STON2: variants seen among roughly 807,000 people sequenced by gnomAD.
STON2 encodes the protein stonin 2.
In STON2, 29 loss-of-function variants were observed where a neutral mutation model predicts 65.7. The ratio of observed to expected loss-of-function variants is 0.44; its 90% confidence interval spans 0.33 to 0.60. The LOEUF is 0.60. Among genes scored for constraint, STON2 ranks in the 20% least tolerant of loss-of-function variants. STON2 has a pLI of 0.03. For synonymous variants in STON2, 404 were observed against 414.2 expected (o/e 0.98, Z 0.30); for missense variants, 1,054 against 1,118.1 (o/e 0.94, Z 0.82).
chr14:81,271,027 C>A (rs1486230776), intron 6 of STON2, among the ~76,000 whole-genome samples, 155 bp from the exon 7 acceptor site: 1 of 152,132 alleles, frequency 6.6e-6, no homozygotes, highest in Admixed American at 6.5e-5. Context: ...CCGCCCGGCT[C>A]AGCAGAATTC....
chr14:81,322,819 G>C (rs549415760), intron 5 of STON2, among the ~76,000 whole-genome samples: 1 of 152,290 alleles, frequency 6.6e-6, no homozygotes, highest in East Asian at 1.9e-4. Flanking sequence ...ATTTGCTGCA[G>C]CTCTAGAAAC....
chr14:81,367,578 C>G (rs571469224), intron 4 of STON2, among the ~76,000 whole-genome samples: 5 of 152,276 alleles, frequency 3.3e-5, no homozygotes, highest in Admixed American at 2.0e-4. Flanking sequence ...TTTCCTTCTC[C>G]TCCTTCTATT....
chr14:81,309,858 C>A (rs935765146), intron 5 of STON2, among the ~76,000 whole-genome samples: 1 of 152,172 alleles, frequency 6.6e-6, no homozygotes, highest in African/African-American at 2.4e-5. Flanking sequence ...ATTTGAGAAT[C>A]CTCTGCACAG....
In STON2 at chr14:81,371,173, G is replaced by A; in HGVS notation, c.386C>T (p.Thr129Ile). The change falls in exon 4 of 8, where the codon ACC becomes ATC. Residue 129 changes from threonine (T) to isoleucine (I), a missense_variant. Transcript: ENST00000614646. ...QETAETALPL[T>I]MPCWTCPSFD... ...GGAAGGGCATGTCCAGCAGGGCATG[G>A]TCAATGGTAGGGCTGGGGAGAGACC... 2 of 1,614,122 alleles carry A rather than the reference G, an allele frequency of 1.2e-6. No homozygotes were observed. The highest frequency in any genetic ancestry group is 1.7e-6 in the Non-Finnish European group (2 of 1,180,016).
intron 3 of STON2, among the ~76,000 whole-genome samples, chr14:81,387,282 C>T (rs115400791): frequency 0.01 from 1,556 of 151,942 alleles, 24 homozygotes; most frequent in South Asian, 0.044. Context: ...CACCATACAA[C>T]CTTAAATCAT....
upstream of STON2, among the ~76,000 whole-genome samples, chr14:81,403,560 A>C (rs1900703988): frequency 6.6e-6 from 1 of 152,162 alleles, no homozygotes; most frequent in South Asian, 2.1e-4. Flanking sequence ...CGAACAATGG[A>C]AACTTGACCC....
intron 5 of STON2, among the ~76,000 whole-genome samples, chr14:81,320,464 CAT>C (rs1333443334): frequency 5.0e-5 from 1 of 20,196 alleles, no homozygotes; most frequent in Non-Finnish European, 1.2e-4. Flanking sequence ...CATAGCATAA[CAT>C]GGGGGAGAAA....
chr14:81,368,999 T>C (rs771478205), intron 4 of STON2, among the ~76,000 whole-genome samples: 1 of 152,200 alleles, frequency 6.6e-6, no homozygotes, highest in Admixed American at 6.5e-5. Context: ...CAGGGCTTCA[T>C]GTCCTTTGGC....
At chr14:81,296,073 G>A (rs745342151) in intron 5 of STON2, among the ~76,000 whole-genome samples, 88 of 152,268 alleles carry the variant, frequency 5.8e-4, no homozygotes, top group Middle Eastern at 3.4e-3. Flanking sequence ...ATTCTCATAG[G>A]ACAATATTCA....
intron 2 of STON2, among the ~76,000 whole-genome samples, chr14:81,420,492 A>G (rs750517705): frequency 4.6e-5 from 7 of 152,200 alleles, no homozygotes; most frequent in Non-Finnish European, 1.0e-4. Context: ...AATTCTAAGA[A>G]CAGAGAGAGG....
chr14:81,276,087 C>G (rs1413144654), intron 6 of STON2, among the ~76,000 whole-genome samples: 1 of 152,180 alleles, frequency 6.6e-6, no homozygotes, highest in African/African-American at 2.4e-5. Context: ...TGGGGTCACC[C>G]AGACATACTC....
At chr14:81,405,438 C>T (rs183194958) in intron 2 of STON2, among the ~76,000 whole-genome samples, 2 of 138,648 alleles carry the variant, frequency 1.4e-5, no homozygotes, top group African/African-American at 5.9e-5. Context: ...AACCTCTAGA[C>T]CATTTGGGAT....
At chr14:81,318,987 C>T (rs1303146206) in intron 5 of STON2, among the ~76,000 whole-genome samples, 4 of 152,270 alleles carry the variant, frequency 2.6e-5, no homozygotes, top group Non-Finnish European at 4.4e-5. Context: ...AGCTTGCACA[C>T]TGTGGCTTGT....
At chr14:81,307,914 T>G (rs8007748) in intron 5 of STON2, among the ~76,000 whole-genome samples, 3,665 of 152,302 alleles carry the variant, frequency 0.024, 145 homozygotes, top group African/African-American at 0.084. Context: ...GTTATGTTTT[T>G]GGGGAGTCAA....
At chr14:81,268,979 T>G (rs1357811170) in intron 7 of STON2, among the ~76,000 whole-genome samples, 1 of 152,214 alleles carries the variant, frequency 6.6e-6, no homozygotes, top group Non-Finnish European at 1.5e-5. Flanking sequence ...TGTAATTGAC[T>G]GTTTGTACCC....
chr14:81,348,718 T>C (rs1390659293), intron 4 of STON2, among the ~76,000 whole-genome samples: 1 of 152,070 alleles, frequency 6.6e-6, no homozygotes, highest in Non-Finnish European at 1.5e-5. Context: ...AAAACGCCAA[T>C]GACATTCTTC....
chr14:81,306,373 C>T (rs571086718), intron 5 of STON2, among the ~76,000 whole-genome samples: 2 of 119,296 alleles, frequency 1.7e-5, no homozygotes, highest in Non-Finnish European at 3.5e-5. Flanking sequence ...GGACTACAGG[C>T]GCCATATGCT....
chr14:81,323,797 A>G (rs1217316457), intron 5 of STON2: 1 of 152,176 alleles, frequency 6.6e-6, no homozygotes, highest in Non-Finnish European at 1.5e-5. Flanking sequence ...AGAGGTAATT[A>G]GCATGTTAAG....
chr14:81,358,537 G>C (rs187444535), intron 4 of STON2, among the ~76,000 whole-genome samples: 3 of 152,258 alleles, frequency 2.0e-5, no homozygotes, highest in East Asian at 1.9e-4. Context: ...GCAGTGGTAA[G>C]TTTTTACCTA....
Sources: gnomAD v4.1 joint callset for allele counts (sites outside exome capture counted in the v4.1 genomes callset) on GRCh38, gnomAD v4.1.1 for gene constraint, MANE v1.5 for transcripts, NCBI Gene and HGNC (gene_info 2026-07-23, HGNC 2026-07-21) for gene names.